CFAP77: variants seen among roughly 807,000 people sequenced by gnomAD.
CFAP77 encodes the protein cilia- and flagella-associated protein 77.
Under a neutral mutation model 31.1 loss-of-function variants are expected in CFAP77, and 25 were observed. That is an observed-to-expected ratio of 0.80 (90% CI 0.59 to 1.12). The LOEUF is 1.12. Among genes scored for constraint, CFAP77 ranks in the 50% most tolerant of loss-of-function variants. CFAP77 has a pLI of 0.00. For missense variants in CFAP77, 377 were observed against 397.3 expected (o/e 0.95, Z 0.44); for synonymous variants, 151 against 159.9 (o/e 0.94, Z 0.42).
rs929764891 is a variant in CFAP77 at position 132,499,711 on chromosome 9, T to G, written c.524+111T>G. The G allele has an allele frequency of 1.1e-6, 1 of 915,296 alleles. No individual in the cohort carries two copies. The highest frequency in any genetic ancestry group is 1.7e-6 in the Non-Finnish European group (1 of 579,310). The allele number at this position is 915,296 out of a possible 1,614,324, so 56.7% of individuals were successfully genotyped here. A position where few individuals can be genotyped will look rare whatever the true frequency, so the allele number is the denominator to read the frequency against. On this transcript the variant is annotated intron_variant, in intron 3 of 5. Coordinates refer to ENST00000393216, the MANE Select transcript of CFAP77 (RefSeq NM_001282957.2). This position sits in a 1 kb window ranked among gnomAD's most constrained non-coding sequence, Gnocchi z 5.4. The stretch of plus-strand genomic sequence containing the variant: ...AAGTGGAGCATCCTCCCAGCCCCAC[T>G]GTCCTCTCTTCAATGACTCTCTCTT...
At chr9:132,570,252 A>G (rs1283888616) in intron 5 of CFAP77, among the ~76,000 whole-genome samples, 3 of 152,206 alleles carry the variant, frequency 2.0e-5, no homozygotes, top group Admixed American at 6.5e-5. Context: ...TGAGGGCACA[A>G]TCATGGTTTG....
At position 132,511,209 on chromosome 9, in the gene CFAP77, C is replaced by T. The variant is rs1356021071; in HGVS notation, c.524+11609C>T. Among the ~76,000 whole-genome samples, 1 of 152,168 alleles carries T rather than the reference C, an allele frequency of 6.6e-6. No homozygotes were observed. Among genetic ancestry groups the T allele is most frequent in the Admixed American group, 6.6e-5 (1 of 15,266 alleles). Reference sequence around the variant, plus strand: ...AGGAGAGAGGGCACAAGGGTACCTTCGGGTCTGCTGAGACTTGACTCTGAC... The same window carrying T: ...AGGAGAGAGGGCACAAGGGTACCTTTGGGTCTGCTGAGACTTGACTCTGAC... On this transcript the variant is annotated intron_variant, in intron 3 of 5. Coordinates refer to ENST00000393216, the MANE Select transcript of CFAP77 (RefSeq NM_001282957.2). The surrounding 1 kb of genome is among the most constrained non-coding windows in gnomAD (Gnocchi z 5.8).
intron 1 of CFAP77, among the ~76,000 whole-genome samples, chr9:132,465,072 TCA>T (rs1851127559): frequency 1.6e-5 from 1 of 62,252 alleles, no homozygotes. Flanking sequence ...AGACTCTGTC[TCA>T]AAAAAAAAAA....
rs1272163018 is a variant in CFAP77 at position 132,455,504 on chromosome 9, GA to G, written c.196-43180del. Among the ~76,000 whole-genome samples, 1,603 of 136,430 alleles carry G rather than the reference GA, an allele frequency of 0.012. 20 individuals carry two copies. Among genetic ancestry groups the G allele is most frequent in the Middle Eastern group, 0.037 (10 of 270 alleles). The allele number at this position is 136,430 out of a possible 152,430, so 89.5% of individuals were successfully genotyped here. ...GCCTGGGTGGCAGAGCGAGACTCCTGAAAAAAAAAAACAAAAAAACTTCGAG... is the reference window on the plus strand; with the variant it reads ...GCCTGGGTGGCAGAGCGAGACTCCTGAAAAAAAAAACAAAAAAACTTCGAG... On this transcript the variant is annotated intron_variant, in intron 1 of 5. Transcript: ENST00000393216. This position sits in a 1 kb window ranked among gnomAD's most constrained non-coding sequence, Gnocchi z 4.1.
intron 5 of CFAP77, among the ~76,000 whole-genome samples, chr9:132,569,582 C>T (rs2119113360): frequency 6.6e-6 from 1 of 152,206 alleles, no homozygotes; most frequent in South Asian, 2.1e-4. Flanking sequence ...TGGTGACTGG[C>T]CACCAGAGAC....
rs544274290 is a variant in CFAP77 at position 132,485,531 on chromosome 9, G to A, written c.196-13164G>A. On this transcript the variant is annotated intron_variant, in intron 1 of 5. Transcript: ENST00000393216. ...TGACAGGGTAGAGGCTGGCAGCGGC[G>A]GATCTCTGCTCCTAATTATGCCAGG... is the stretch of plus-strand genomic sequence containing the variant. Among the ~76,000 whole-genome samples, 6 of 152,218 alleles carry A rather than the reference G, an allele frequency of 3.9e-5. No homozygotes were observed. In the South Asian group the frequency reaches 6.2e-4, roughly 16 times the overall value.
At chr9:132,464,926 C>T (rs1262231660) in intron 1 of CFAP77, among the ~76,000 whole-genome samples, 1 of 151,824 alleles carries the variant, frequency 6.6e-6, no homozygotes, top group African/African-American at 2.4e-5. Flanking sequence ...CAAAAATTAA[C>T]CGGGTGTGCT....
chr9:132,500,155 A>G (rs1851817857), intron 3 of CFAP77, among the ~76,000 whole-genome samples: 1 of 150,428 alleles, frequency 6.6e-6, no homozygotes, highest in African/African-American at 2.4e-5. Context: ...CTGTCTCCAA[A>G]AAAAAAAAAA....
At chr9:132,413,011 A>G (rs1850036915) in intron 1 of CFAP77, among the ~76,000 whole-genome samples, 1 of 152,096 alleles carries the variant, frequency 6.6e-6, no homozygotes, top group Non-Finnish European at 1.5e-5. Context: ...GGTGATTAGA[A>G]CTAAAGTATA....
rs184336964 is a variant in CFAP77 at position 132,417,961 on chromosome 9, C to T, written c.195+7495C>T. Among the ~76,000 whole-genome samples, 289 of 152,294 alleles carry T rather than the reference C, an allele frequency of 1.9e-3. 1 individual carries two copies. Among genetic ancestry groups the T allele is most frequent in the African/African-American group, 6.5e-3 (268 of 41,548 alleles). Reference sequence around the variant, plus strand: ...TTCCTGTGGCCATGTGCCCTAGTTGCGAGTGAAACCATCCAATTTCTAGCA... The same window carrying T: ...TTCCTGTGGCCATGTGCCCTAGTTGTGAGTGAAACCATCCAATTTCTAGCA... On this transcript the variant is annotated intron_variant, in intron 1 of 5. Coordinates refer to ENST00000393216, the MANE Select transcript of CFAP77 (RefSeq NM_001282957.2).
intron 1 of CFAP77, among the ~76,000 whole-genome samples, chr9:132,444,231 T>C (rs1365820381): frequency 6.6e-6 from 1 of 152,196 alleles, no homozygotes; most frequent in African/African-American, 2.4e-5. Flanking sequence ...GAAGAAGGTA[T>C]TTGTGAGGCT....
intron 1 of CFAP77, among the ~76,000 whole-genome samples, chr9:132,477,648 T>G (rs1851372630): frequency 6.6e-6 from 1 of 152,204 alleles, no homozygotes; most frequent in Admixed American, 6.5e-5. Flanking sequence ...CCTCTTCCAT[T>G]TCTCCCCACA....
chr9:132,548,286 G>GGGCC (rs1564248910), intron 5 of CFAP77, among the ~76,000 whole-genome samples: 1 of 128,890 alleles, frequency 7.8e-6, no homozygotes. Context: ...GGGGGGTGGG[G>GGGCC]GGTGAAGCTG....
chr9:132,423,628 C>T (rs1850264511), intron 1 of CFAP77, among the ~76,000 whole-genome samples: 2 of 152,234 alleles, frequency 1.3e-5, no homozygotes, highest in African/African-American at 4.8e-5. Context: ...AGCCTGAGGT[C>T]GTAACCGCTG....
At position 132,495,514 on chromosome 9, in the gene CFAP77, A is replaced by C. The variant is rs960355550; in HGVS notation, c.196-3181A>C. ...AGAGAGCATAGTATGGAAGGAATTC[A>C]AAACAAGCCACCCTGCAGGGTCCCC... On this transcript the variant is annotated intron_variant, in intron 1 of 5. Transcript: ENST00000393216. This position sits in a 1 kb window ranked among gnomAD's most constrained non-coding sequence, Gnocchi z 4.2. Among the ~76,000 whole-genome samples the C allele has an allele frequency of 5.9e-5, 9 of 152,192 alleles. No homozygotes were observed. Among genetic ancestry groups the C allele is most frequent in the African/African-American group, 2.2e-4 (9 of 41,442 alleles).
At chr9:132,471,031 T>C (rs1191014096) in intron 1 of CFAP77, among the ~76,000 whole-genome samples, 2 of 152,226 alleles carry the variant, frequency 1.3e-5, no homozygotes, top group Non-Finnish European at 2.9e-5. Flanking sequence ...TTTTTTTTCC[T>C]TATGCTTGGA....
In CFAP77 at chr9:132,498,680, T is replaced by TCC; in HGVS notation, c.196-14_196-13dup. On this transcript the variant is annotated splice_polypyrimidine_tract_variant and intron_variant, in intron 1 of 5. Coordinates refer to ENST00000393216, the MANE Select transcript of CFAP77 (RefSeq NM_001282957.2). The surrounding 1 kb of genome is among the most constrained non-coding windows in gnomAD (Gnocchi z 4.2). ...CTCCACTCCTCACCTCTGCTCTCTG[T>TCC]CCTTCCCCCGACAGGCTGAACTCGG... 6.3e-7 allele frequency: 1 copy of TCC among 1,599,812 alleles called. No homozygotes were observed. The highest frequency in any genetic ancestry group is 8.5e-7 in the Non-Finnish European group (1 of 1,170,360).
intron 3 of CFAP77, among the ~76,000 whole-genome samples, chr9:132,504,399 C>T (rs1851900544): frequency 6.6e-6 from 1 of 152,190 alleles, no homozygotes; most frequent in Admixed American, 6.5e-5. Flanking sequence ...ACCAAGTGGC[C>T]ACAATTCCAG....
At chr9:132,467,565 A>AG (rs1348606352) in intron 1 of CFAP77, among the ~76,000 whole-genome samples, 1 of 152,122 alleles carries the variant, frequency 6.6e-6, no homozygotes, top group East Asian at 1.9e-4. Flanking sequence ...CCTTGTATGG[A>AG]GGGACTATAT....
Sources: allele counts gnomAD v4.1 joint callset (sites outside exome capture counted in the v4.1 genomes callset), GRCh38; gene constraint gnomAD v4.1.1; non-coding constraint Gnocchi (gnomAD v3.1); transcripts MANE v1.5; gene names NCBI Gene and HGNC (gene_info 2026-07-23, HGNC 2026-07-21).